Variants in NPSR1 observed in about 807,000 individuals in gnomAD.
The protein encoded by NPSR1 is neuropeptide S receptor.
A neutral mutation model predicts 46.9 loss-of-function variants in NPSR1; 48 were observed. That is an observed-to-expected ratio of 1.02 (90% CI 0.81 to 1.30). NPSR1 has a LOEUF of 1.30. NPSR1 is among the 50% of genes most tolerant of loss of function. The pLI is 0.00. For missense variants in NPSR1, 450 were observed against 449.5 expected, an observed-to-expected ratio of 1.00 and a Z score of -0.01; for synonymous variants, 176 against 168.1, an observed-to-expected ratio of 1.05 and a Z score of -0.36.
chr7:34,700,484 G>C (rs1583836505), intron 2 of NPSR1, among the ~76,000 whole-genome samples: 1 of 152,072 alleles, frequency 6.6e-6, no homozygotes, highest in East Asian at 1.9e-4. Flanking sequence ...TTTCAGAGAA[G>C]ACATACAAAT....
intron 3 of NPSR1, among the ~76,000 whole-genome samples, chr7:34,803,919 A>G (rs1244665174): frequency 6.6e-6 from 1 of 152,064 alleles, no homozygotes; most frequent in East Asian, 1.9e-4. Context: ...CTATTCCTTG[A>G]AAAGCTCAAT....
chr7:34,743,749 T>G (rs1279212600), intron 2 of NPSR1, among the ~76,000 whole-genome samples: 1 of 152,194 alleles, frequency 6.6e-6, no homozygotes, highest in Non-Finnish European at 1.5e-5. Flanking sequence ...TCTATAATTT[T>G]TATTATGATT....
At chr7:34,870,813 C>T (rs1329929721) in intron 8 of NPSR1, among the ~76,000 whole-genome samples, 2 of 151,420 alleles carry the variant, frequency 1.3e-5, no homozygotes, top group Non-Finnish European at 2.9e-5. Flanking sequence ...CTCATCTAGA[C>T]ATGAAAAAAC....
At chr7:34,767,388 G>T (rs936746482) in intron 2 of NPSR1, among the ~76,000 whole-genome samples, 2 of 152,136 alleles carry the variant, frequency 1.3e-5, no homozygotes, top group Non-Finnish European at 2.9e-5. Flanking sequence ...CAACATAGAT[G>T]AACAGTTGAG....
chr7:34,874,845 G>T (rs1352460185), intron 8 of NPSR1, among the ~76,000 whole-genome samples: 1 of 152,086 alleles, frequency 6.6e-6, no homozygotes, highest in African/African-American at 2.4e-5. Flanking sequence ...TCCCCTTTCT[G>T]GACTTACTGC....
intron 2 of NPSR1, chr7:34,718,978 G>A (rs1441450826): frequency 6.6e-6 from 1 of 152,240 alleles, no homozygotes; most frequent in African/African-American, 2.4e-5. Context: ...CCAGTACACA[G>A]GAAGTGACAG....
chr7:34,699,247 T>C (rs998928075), intron 2 of NPSR1, among the ~76,000 whole-genome samples: 11 of 152,138 alleles, frequency 7.2e-5, no homozygotes, highest in Non-Finnish European at 1.6e-4. Context: ...TGGGAGGCTT[T>C]GGTGAGTAGA....
intron 2 of NPSR1, chr7:34,685,894 A>G (rs1001480881): frequency 4.2e-6 from 1 of 236,796 alleles, no homozygotes; most frequent in East Asian, 1.6e-4. Context: ...AATCTTTCCT[A>G]CCAACAAGAA....
rs746585711 is a variant in NPSR1, at chr7:34,844,883, C to T, written c.758-13C>T. The T allele has an allele frequency of 1.6e-5, 25 of 1,543,264 alleles. No homozygotes were observed. Among genetic ancestry groups the T allele is most frequent in the Non-Finnish European group, 2.2e-5 (24 of 1,115,608 alleles). On this transcript the variant is annotated splice_polypyrimidine_tract_variant and intron_variant, in intron 6 of 8. Coordinates refer to ENST00000360581, the MANE Select transcript of NPSR1 (RefSeq NM_207172.2). ...GAACACTTCATCTTACTATTCCCCT[C>T]TTGTATCTACAGATGGGAAACTGTG...
At chr7:34,718,997 T>C (rs2128706413) in intron 2 of NPSR1, 1 of 152,392 alleles carries the variant, frequency 6.6e-6, no homozygotes, top group African/African-American at 2.4e-5. Flanking sequence ...AGAGTCCTAA[T>C]TTGAAGCTGT....
intron 1 of NPSR1, among the ~76,000 whole-genome samples, chr7:34,663,396 C>T (rs1413089604): frequency 6.6e-6 from 1 of 152,082 alleles, no homozygotes; most frequent in African/African-American, 2.4e-5. Context: ...CTTTGGGCTG[C>T]AGAAAACAAA....
intron 2 of NPSR1, among the ~76,000 whole-genome samples, chr7:34,703,271 T>C (rs1201622568): frequency 6.6e-6 from 1 of 152,166 alleles, no homozygotes; most frequent in Non-Finnish European, 1.5e-5. Flanking sequence ...CTCCAGAGGC[T>C]GAGGCGGGAG....
intron 1 of NPSR1, among the ~76,000 whole-genome samples, chr7:34,669,325 G>T (rs1363567672): frequency 6.6e-6 from 1 of 152,210 alleles, no homozygotes; most frequent in Non-Finnish European, 1.5e-5. Context: ...CACTTTGGGA[G>T]ATCAAAGCGG....
At chr7:34,699,335 A>G (rs1186718116) in intron 2 of NPSR1, among the ~76,000 whole-genome samples, 1 of 152,236 alleles carries the variant, frequency 6.6e-6, no homozygotes, top group Non-Finnish European at 1.5e-5. Context: ...TTTTTAAATT[A>G]AAAGTTAAAA....
intron 3 of NPSR1, chr7:34,779,980 A>G (rs1787160438): frequency 6.5e-6 from 1 of 152,794 alleles, no homozygotes; most frequent in Admixed American, 6.5e-5. Context: ...GATCACTCAC[A>G]TAGGTGGTAA....
intron 3 of NPSR1, among the ~76,000 whole-genome samples, chr7:34,809,709 C>T (rs942816512): frequency 6.6e-6 from 1 of 151,904 alleles, no homozygotes; most frequent in Non-Finnish European, 1.5e-5. Context: ...GTGATCCACC[C>T]GCCTCGGCCT....
intron 8 of NPSR1, among the ~76,000 whole-genome samples, chr7:34,864,030 T>C (rs1791249592): frequency 6.6e-6 from 1 of 151,786 alleles, no homozygotes; most frequent in Non-Finnish European, 1.5e-5. Flanking sequence ...CACCATAGAA[T>C]ACTATGCAGC....
At chr7:34,737,853 C>T (rs1315513179) in intron 2 of NPSR1, among the ~76,000 whole-genome samples, 2 of 152,154 alleles carry the variant, frequency 1.3e-5, no homozygotes, top group African/African-American at 4.8e-5. Context: ...TGTCTCTACA[C>T]GGATGACCCC....
intron 1 of NPSR1, among the ~76,000 whole-genome samples, chr7:34,673,520 C>T (rs1261319087): frequency 6.6e-6 from 1 of 152,172 alleles, no homozygotes; most frequent in Non-Finnish European, 1.5e-5. Context: ...CAGTTCACAA[C>T]TACTTGGAAC....
Sources: allele counts gnomAD v4.1 joint callset (sites outside exome capture counted in the v4.1 genomes callset), GRCh38; gene constraint gnomAD v4.1.1; transcripts MANE v1.5; gene names NCBI Gene and HGNC (gene_info 2026-07-23, HGNC 2026-07-21).